OPCML: variants seen among roughly 807,000 people sequenced by gnomAD.
OPCML encodes the protein opioid-binding protein/cell adhesion molecule.
OPCML carries 13 observed loss-of-function variants against 37.8 expected under a neutral mutation model. That is an observed-to-expected ratio of 0.34 (90% CI 0.22 to 0.55). OPCML has a LOEUF of 0.55. Among genes scored for constraint, OPCML ranks in the 20% least tolerant of loss-of-function variants. The pLI is 0.91. For missense variants in OPCML, 341 were observed against 435.6 expected, an observed-to-expected ratio of 0.78 and a Z score of 1.93; for synonymous variants, 176 against 168.8, an observed-to-expected ratio of 1.04 and a Z score of -0.33.
chr11:133,462,524 G>T (rs918588276), intron 1 of OPCML, among the ~76,000 whole-genome samples: 3 of 152,042 alleles, frequency 2.0e-5, no homozygotes, highest in Admixed American at 2.0e-4. Flanking sequence ...AATGTGCAAA[G>T]GACTTTAATA....
chr11:132,493,515 C>T (rs998260722), intron 4 of OPCML, among the ~76,000 whole-genome samples: 11 of 152,186 alleles, frequency 7.2e-5, no homozygotes, highest in Non-Finnish European at 1.3e-4. Flanking sequence ...TCACCTCCTG[C>T]GTCTCTGTCC....
intron 2 of OPCML, among the ~76,000 whole-genome samples, chr11:132,838,616 G>T (rs1425490170): frequency 6.6e-6 from 1 of 152,154 alleles, no homozygotes; most frequent in African/African-American, 2.4e-5. Context: ...TATATGTATG[G>T]TATAACACAG....
rs77115244 is a variant in OPCML, at chr11:133,517,998, C to T, written c.61+14266G>A. ...TCTCTTTCTCTAGCACTGCCAGTTC[C>T]GAGGAGGAGTCCCATGGCACTTCTG... On this transcript the variant is annotated intron_variant, in intron 1 of 7. Transcript: ENST00000524381. 9.3e-3 allele frequency among the ~76,000 whole-genome samples: 1,416 copies of T among 152,232 alleles called. 25 individuals carry two copies. Among genetic ancestry groups the T allele is most frequent in the African/African-American group, 0.032 (1,340 of 41,534 alleles).
chr11:133,035,889 G>T (rs1048139881), intron 1 of OPCML, among the ~76,000 whole-genome samples: 2 of 148,580 alleles, frequency 1.3e-5, no homozygotes, highest in Admixed American at 6.8e-5. Context: ...AGACAACACC[G>T]CAAGAAGCCA....
intron 2 of OPCML, among the ~76,000 whole-genome samples, chr11:132,926,984 A>G (rs1945017787): frequency 6.6e-6 from 1 of 152,178 alleles, no homozygotes; most frequent in Non-Finnish European, 1.5e-5. Flanking sequence ...ACTTGAAGAC[A>G]TATCATTTGA....
chr11:133,175,905 GA>G (rs974659005), intron 1 of OPCML, among the ~76,000 whole-genome samples: 3 of 152,124 alleles, frequency 2.0e-5, no homozygotes, highest in African/African-American at 7.2e-5. Flanking sequence ...CTGTGGTTAT[GA>G]AAAAATGTTC....
At chr11:133,343,470 T>C (rs143927966) in intron 1 of OPCML, among the ~76,000 whole-genome samples, 1 of 152,214 alleles carries the variant, frequency 6.6e-6, no homozygotes, top group African/African-American at 2.4e-5. Flanking sequence ...AGCCTTATAT[T>C]GCAATTTCCT....
At chr11:133,018,042 T>C (rs916363436) in intron 1 of OPCML, among the ~76,000 whole-genome samples, 20 of 152,340 alleles carry the variant, frequency 1.3e-4, no homozygotes, top group African/African-American at 4.6e-4. Context: ...GCGAGAGGGC[T>C]GTACAGGCAG....
At chr11:132,913,844 C>T (rs1944510921) in intron 2 of OPCML, among the ~76,000 whole-genome samples, 1 of 152,194 alleles carries the variant, frequency 6.6e-6, no homozygotes, top group South Asian at 2.1e-4. Flanking sequence ...AAAGTCCTTT[C>T]TCTCAGCTCC....
chr11:132,774,153 C>T (rs947010401), intron 2 of OPCML, among the ~76,000 whole-genome samples: 2 of 152,156 alleles, frequency 1.3e-5, no homozygotes, highest in African/African-American at 2.4e-5. Flanking sequence ...TGTTAAGCTT[C>T]ATTGGGGTCC....
intron 1 of OPCML, among the ~76,000 whole-genome samples, chr11:133,304,727 G>A (rs916752621): frequency 2.0e-5 from 3 of 152,168 alleles, no homozygotes; most frequent in South Asian, 4.1e-4. Flanking sequence ...AATTGATTAA[G>A]GGACACAAAT....
At chr11:133,354,326 G>GGTAGTGGTGGTGATA (rs1944232020) in intron 1 of OPCML, among the ~76,000 whole-genome samples, 1 of 13,030 alleles carries the variant, frequency 7.7e-5, no homozygotes, top group Admixed American at 1.0e-3. Flanking sequence ...TGGTGGTGGT[G>GGTAGTGGTGGTGATA]GTGATGATGG....
intron 1 of OPCML, among the ~76,000 whole-genome samples, chr11:133,242,674 A>G (rs542233019): frequency 6.6e-6 from 1 of 152,274 alleles, no homozygotes; most frequent in African/African-American, 2.4e-5. Flanking sequence ...TTCTCCAAAT[A>G]CTGTCACATT....
intron 1 of OPCML, among the ~76,000 whole-genome samples, chr11:133,419,883 T>A (rs777242029): frequency 6.6e-6 from 1 of 152,230 alleles, no homozygotes; most frequent in Non-Finnish European, 1.5e-5. Flanking sequence ...AGTTACTCAG[T>A]CATTGACAAC....
chr11:132,699,934 A>G (rs1172760261), intron 2 of OPCML, among the ~76,000 whole-genome samples: 1 of 152,090 alleles, frequency 6.6e-6, no homozygotes, highest in Non-Finnish European at 1.5e-5. Context: ...AATTATTTAG[A>G]CATTTAGTAT....
chr11:132,998,007 C>T (rs1269262105), intron 1 of OPCML, among the ~76,000 whole-genome samples: 1 of 152,060 alleles, frequency 6.6e-6, no homozygotes, highest in East Asian at 1.9e-4. Context: ...CATTCTTTCT[C>T]TTGCTAACCT....
intron 2 of OPCML, among the ~76,000 whole-genome samples, chr11:132,698,931 T>C (rs974396772): frequency 6.6e-5 from 10 of 152,180 alleles, no homozygotes; most frequent in Admixed American, 3.3e-4. Flanking sequence ...AAAGATTGCA[T>C]TGAAATTGTA....
chr11:132,966,045 C>T (rs1170614155), intron 1 of OPCML, among the ~76,000 whole-genome samples: 4 of 151,190 alleles, frequency 2.6e-5, no homozygotes, highest in East Asian at 1.9e-4. Context: ...TATTAATTTC[C>T]ACCTATCTTT....
chr11:133,344,790 G>T (rs1036642491), intron 1 of OPCML, among the ~76,000 whole-genome samples: 2 of 152,156 alleles, frequency 1.3e-5, no homozygotes, highest in African/African-American at 4.8e-5. Context: ...ACCATAAAAT[G>T]ATGCCACCTC....
Sources: allele counts gnomAD v4.1 joint callset (sites outside exome capture counted in the v4.1 genomes callset), GRCh38; gene constraint gnomAD v4.1.1; transcripts MANE v1.5; gene names NCBI Gene and HGNC (gene_info 2026-07-23, HGNC 2026-07-21).